DTNB: variants seen among roughly 807,000 people sequenced by gnomAD.
DTNB encodes DTN-B.
DTNB carries 63 observed loss-of-function variants against 90.7 expected under a neutral mutation model. That is an observed-to-expected ratio of 0.69 (90% CI 0.57 to 0.86). The LOEUF is 0.86. Ranked by LOEUF, DTNB falls within the 40% of genes least tolerant of loss-of-function variation. The pLI is 0.00. For missense variants in DTNB, 744 were observed against 807.1 expected, an observed-to-expected ratio of 0.92 and a Z score of 0.95; for synonymous variants, 277 against 286.7, an observed-to-expected ratio of 0.97 and a Z score of 0.34.
intron 8 of DTNB, among the ~76,000 whole-genome samples, chr2:25,569,567 C>T (rs569191591): frequency 2.3e-3 from 356 of 152,178 alleles, no homozygotes; most frequent in African/African-American, 8.3e-3. Context: ...GCAGAGAGCA[C>T]GAATTCTCCT....
At position 25,600,655 on chromosome 2, in the gene DTNB, T is replaced by C. The variant is rs898866819; in HGVS notation, c.449-4415A>G. Among the ~76,000 whole-genome samples the C allele has an allele frequency of 1.8e-4, 28 of 152,322 alleles. 1 individual carries two copies. The highest frequency in any genetic ancestry group is 5.8e-4 in the African/African-American group (24 of 41,578). ...CCTGTGGCCACTAGTGGTGGAAATA[T>C]TCAGGACCAGTGACTTTAGCTTTCA... On this transcript the variant is annotated intron_variant, in intron 5 of 20. Coordinates refer to ENST00000406818, the MANE Select transcript of DTNB (RefSeq NM_021907.5).
chr2:25,610,771 G>C (rs1293259781), intron 4 of DTNB, among the ~76,000 whole-genome samples: 2 of 151,540 alleles, frequency 1.3e-5, no homozygotes, highest in Non-Finnish European at 2.9e-5. Context: ...GTGCAGTGGT[G>C]TGATCTTGGC....
At chr2:25,670,406 T>C (rs1457255841) in intron 1 of DTNB, among the ~76,000 whole-genome samples, 2 of 152,138 alleles carry the variant, frequency 1.3e-5, no homozygotes, top group Non-Finnish European at 2.9e-5. Context: ...GTGTTCCCTA[T>C]ATATACATGA....
At chr2:25,445,279 T>C (rs186583636) in intron 12 of DTNB, among the ~76,000 whole-genome samples, 2 of 152,344 alleles carry the variant, frequency 1.3e-5, no homozygotes, top group East Asian at 3.9e-4. Flanking sequence ...TGAGGGCATG[T>C]CTGAGGTTTA....
intron 3 of DTNB, among the ~76,000 whole-genome samples, chr2:25,631,381 G>A (rs963219224): frequency 2.6e-5 from 4 of 151,998 alleles, no homozygotes; most frequent in Non-Finnish European, 5.9e-5. Context: ...GACCAGCCTG[G>A]AGAACATAGT....
chr2:25,492,931 C>A (rs1383239902), intron 9 of DTNB, among the ~76,000 whole-genome samples: 1 of 152,174 alleles, frequency 6.6e-6, no homozygotes, highest in Non-Finnish European at 1.5e-5. Context: ...AGAGCTGTCC[C>A]TTTTCCCCAG....
At chr2:25,550,112 C>A (rs1321168043) in intron 8 of DTNB, among the ~76,000 whole-genome samples, 1 of 152,152 alleles carries the variant, frequency 6.6e-6, no homozygotes, top group Non-Finnish European at 1.5e-5. Flanking sequence ...CTATTGTTGG[C>A]CGGGCGCGGT....
At chr2:25,388,547 G>T (rs112485588) in intron 16 of DTNB, 186 bp from the exon 17 acceptor site, 13 of 749,546 alleles carry the variant, frequency 1.7e-5, no homozygotes, top group Non-Finnish European at 2.3e-5. Flanking sequence ...AGGAAAAAAG[G>T]AAGGGGGCGT....
rs150657270 is a variant in DTNB at position 25,580,448 on chromosome 2, A to G, written c.709+273T>C. The stretch of plus-strand genomic sequence containing the variant: ...AGGTGACAGAATTGCTTGAACTCGG[A>G]AGGTAGAGGTTGCAGTGAGCCAGGA... On this transcript the variant is annotated intron_variant, in intron 7 of 20. Coordinates refer to ENST00000406818, the MANE Select transcript of DTNB (RefSeq NM_021907.5). Among the ~76,000 whole-genome samples the G allele has an allele frequency of 5.6e-3, 846 of 151,650 alleles. 10 individuals are homozygous for G. Among genetic ancestry groups the G allele is most frequent in the African/African-American group, 0.019 (800 of 41,330 alleles).
At chr2:25,622,458 C>T (rs145722758) in intron 4 of DTNB, among the ~76,000 whole-genome samples, 356 of 152,222 alleles carry the variant, frequency 2.3e-3, no homozygotes, top group Admixed American at 5.6e-3. Flanking sequence ...AGAGCCTGGA[C>T]GACAGAAAAA....
intron 6 of DTNB, among the ~76,000 whole-genome samples, chr2:25,591,859 G>A (rs535183351): frequency 3.9e-5 from 6 of 151,930 alleles, no homozygotes; most frequent in Non-Finnish European, 7.4e-5. Flanking sequence ...TCAGGAGGTC[G>A]AGATCAGCCT....
intron 1 of DTNB, among the ~76,000 whole-genome samples, chr2:25,663,605 G>A (rs1446680196): frequency 1.3e-5 from 2 of 152,152 alleles, no homozygotes; most frequent in Non-Finnish European, 1.5e-5. Context: ...TATCCTGAGT[G>A]TTTTAGCGGG....
intron 2 of DTNB, among the ~76,000 whole-genome samples, chr2:25,641,100 G>A (rs1167013520): frequency 2.0e-5 from 3 of 152,158 alleles, no homozygotes; most frequent in East Asian, 1.9e-4. Context: ...GTACAGTCAC[G>A]AATCAAGGGT....
chr2:25,430,832 C>T (rs2053626946), intron 14 of DTNB, among the ~76,000 whole-genome samples: 1 of 152,092 alleles, frequency 6.6e-6, no homozygotes, highest in African/African-American at 2.4e-5. Flanking sequence ...GACTATTACG[C>T]TTCATATACG....
intron 4 of DTNB, among the ~76,000 whole-genome samples, chr2:25,626,528 C>G (rs1022256770): frequency 1.3e-5 from 2 of 152,090 alleles, no homozygotes; most frequent in African/African-American, 2.4e-5. Context: ...ACTAGAGAGG[C>G]TGGGGAGGGA....
intron 2 of DTNB, among the ~76,000 whole-genome samples, chr2:25,645,155 G>C (rs954338792): frequency 1.3e-5 from 2 of 152,166 alleles, no homozygotes; most frequent in Non-Finnish European, 2.9e-5. Flanking sequence ...GGCTGAGGCA[G>C]GCAGATCACT....
At chr2:25,635,891 G>T (rs2148806794) in intron 3 of DTNB, among the ~76,000 whole-genome samples, 1 of 152,320 alleles carries the variant, frequency 6.6e-6, no homozygotes, top group Middle Eastern at 3.4e-3. Flanking sequence ...ACAAGAAAGT[G>T]CAGTATTAGA....
intron 10 of DTNB, among the ~76,000 whole-genome samples, chr2:25,477,036 C>A (rs577254428): frequency 6.6e-6 from 1 of 152,176 alleles, no homozygotes; most frequent in Non-Finnish European, 1.5e-5. Flanking sequence ...CTTCAGCAAC[C>A]ACCATCCTGC....
intron 10 of DTNB, among the ~76,000 whole-genome samples, chr2:25,474,601 T>C (rs1239757031): frequency 6.6e-6 from 1 of 152,214 alleles, no homozygotes; most frequent in Non-Finnish European, 1.5e-5. Flanking sequence ...CTATAGATAA[T>C]AAGATAAACT....
Sources: gnomAD v4.1 joint callset for allele counts (sites outside exome capture counted in the v4.1 genomes callset) on GRCh38, gnomAD v4.1.1 for gene constraint, MANE v1.5 for transcripts, NCBI Gene and HGNC (gene_info 2026-07-23, HGNC 2026-07-21) for gene names.